Variants in SUGCT observed in about 807,000 individuals in gnomAD.
SUGCT encodes the protein succinyl-CoA:glutarate CoA-transferase.
SUGCT carries 41 observed loss-of-function variants against 55.0 expected under a neutral mutation model. The observed-to-expected ratio is 0.74, with a 90% CI of 0.58 to 0.97. SUGCT has a LOEUF of 0.97. SUGCT is among the 50% of genes least tolerant of loss of function. The pLI, the probability that SUGCT is intolerant of heterozygous loss-of-function variation, is 0.00. For synonymous variants in SUGCT, 187 were observed against 200.4 expected (o/e 0.93, Z 0.56); for missense variants, 568 against 547.8 (o/e 1.04, Z -0.37).
intron 12 of SUGCT, among the ~76,000 whole-genome samples, chr7:40,573,797 T>A (rs1271975735): frequency 6.6e-6 from 1 of 152,198 alleles, no homozygotes. Flanking sequence ...ATCCCCCAGG[T>A]AGCATCTGGT....
chr7:40,577,426 T>TA (rs1796830694), intron 12 of SUGCT, among the ~76,000 whole-genome samples: 1 of 152,074 alleles, frequency 6.6e-6, no homozygotes, highest in African/African-American at 2.4e-5. Context: ...TTTTTTTTTT[T>TA]ATGGCATGTT....
intron 12 of SUGCT, among the ~76,000 whole-genome samples, chr7:40,719,804 T>TGTTG (rs1786222988): frequency 6.6e-6 from 1 of 152,026 alleles, no homozygotes; most frequent in African/African-American, 2.4e-5. Flanking sequence ...CAATTCTGTT[T>TGTTG]TGTTTTGTTT....
intron 7 of SUGCT, among the ~76,000 whole-genome samples, chr7:40,238,822 C>CT (rs200564913): frequency 3.7e-4 from 51 of 138,348 alleles, no homozygotes; most frequent in Non-Finnish European, 3.7e-4. Context: ...GTGGCCTTTG[C>CT]TTTTTTTTTT....
chr7:40,959,762 G>T, the SUGCT span, among the ~76,000 whole-genome samples: 3 of 152,068 alleles, frequency 2.0e-5, no homozygotes, highest in Admixed American at 2.0e-4. Flanking sequence ...CTGCCCAAAA[G>T]GTCACCCAGC....
intron 6 of SUGCT, among the ~76,000 whole-genome samples, chr7:40,219,089 G>GAACC (rs1003877122): frequency 1.1e-4 from 16 of 152,256 alleles, no homozygotes; most frequent in Non-Finnish European, 2.1e-4. Flanking sequence ...GCGAGACCAT[G>GAACC]AACCCACCTG....
chr7:40,457,097 T>G (rs760712406), intron 10 of SUGCT, among the ~76,000 whole-genome samples: 4 of 152,116 alleles, frequency 2.6e-5, no homozygotes, highest in Non-Finnish European at 5.9e-5. Context: ...GTCTCTTCAT[T>G]TTTTTGCAGA....
intron 9 of SUGCT, among the ~76,000 whole-genome samples, chr7:40,429,486 A>G (rs1787779223): frequency 6.6e-6 from 1 of 152,196 alleles, no homozygotes; most frequent in Non-Finnish European, 1.5e-5. Flanking sequence ...CCTCAAAAGT[A>G]GGGAAGCTGA....
intron 13 of SUGCT, among the ~76,000 whole-genome samples, chr7:40,817,362 T>C (rs2128763293): frequency 6.6e-6 from 1 of 152,102 alleles, no homozygotes; most frequent in Admixed American, 6.5e-5. Flanking sequence ...CCCAAGTCAC[T>C]GGGGAGTCGG....
chr7:40,850,460 T>C (rs1793795453), intron 13 of SUGCT, among the ~76,000 whole-genome samples: 1 of 152,192 alleles, frequency 6.6e-6, no homozygotes, highest in South Asian at 2.1e-4. Context: ...TGTGTTTTCA[T>C]TGTTCCTTCC....
intron 7 of SUGCT, among the ~76,000 whole-genome samples, chr7:40,241,540 C>G (rs1239046284): frequency 1.3e-5 from 2 of 150,380 alleles, no homozygotes; most frequent in Non-Finnish European, 2.9e-5. Context: ...GATTGCACCA[C>G]TGCCCTCCAG....
the SUGCT span, among the ~76,000 whole-genome samples, chr7:40,982,674 AGAT>A: frequency 6.6e-6 from 1 of 151,570 alleles, no homozygotes. Context: ...TTTATTTTTT[AGAT>A]AGAATCTGTG....
chr7:40,156,813 G>A (rs1056288260), intron 1 of SUGCT, among the ~76,000 whole-genome samples: 2 of 152,092 alleles, frequency 1.3e-5, no homozygotes, highest in South Asian at 2.1e-4. Context: ...TCAGGAGTTC[G>A]AGACCAGCCT....
rs544580131 is a variant in SUGCT, at chr7:40,260,763, T to C, written c.577-13750T>C. Among the ~76,000 whole-genome samples, 3 of 152,262 alleles carry C rather than the reference T, an allele frequency of 2.0e-5. No individual in the cohort carries two copies. The East Asian group carries it at 5.8e-4, about 29-fold the overall frequency. ...GCCTTCTGGGTTCAAGGGATTCTCATGCCTCAGCCTCCCGAGTAGCTGGGA... is the reference window on the plus strand; with the variant it reads ...GCCTTCTGGGTTCAAGGGATTCTCACGCCTCAGCCTCCCGAGTAGCTGGGA... On this transcript the variant is annotated intron_variant, in intron 7 of 13. Transcript: ENST00000335693.
At chr7:40,180,365 G>A (rs1027583338) in intron 1 of SUGCT, among the ~76,000 whole-genome samples, 23 of 152,070 alleles carry the variant, frequency 1.5e-4, no homozygotes, top group Non-Finnish European at 2.1e-4. Flanking sequence ...TGATCCACCC[G>A]CCTCCGCCTC....
rs146937364 is a variant in SUGCT, at chr7:40,450,223, C to T, written c.888+865C>T. 7.4e-3 allele frequency among the ~76,000 whole-genome samples: 1,120 copies of T among 152,062 alleles called. 14 individuals are homozygous for T. Among genetic ancestry groups the T allele is most frequent in the African/African-American group, 0.025 (1,044 of 41,468 alleles). The stretch of plus-strand genomic sequence containing the variant: ...AATTACAGGCGTGAACCACTGCACC[C>T]GGCCTACTAGACTTTTTTTTTCTTT... On this transcript the variant is annotated intron_variant, in intron 10 of 13. Transcript: ENST00000335693.
intron 9 of SUGCT, among the ~76,000 whole-genome samples, chr7:40,438,281 C>T (rs555194620): frequency 3.3e-5 from 5 of 152,268 alleles, no homozygotes; most frequent in African/African-American, 1.2e-4. Flanking sequence ...CTGTGTGGAG[C>T]TGCTCTAAAT....
intron 9 of SUGCT, among the ~76,000 whole-genome samples, chr7:40,344,946 A>G (rs1336622124): frequency 1.3e-5 from 2 of 152,224 alleles, no homozygotes; most frequent in African/African-American, 4.8e-5. Flanking sequence ...GCATTCAGCC[A>G]AGGATTAGGC....
chr7:40,877,452 G>A, the SUGCT span, among the ~76,000 whole-genome samples: 2 of 152,288 alleles, frequency 1.3e-5, no homozygotes, highest in East Asian at 3.9e-4. Flanking sequence ...ATGTACTGCA[G>A]GGAATTAATA....
chr7:40,761,441 A>G (rs936941104), intron 13 of SUGCT, among the ~76,000 whole-genome samples: 1 of 152,244 alleles, frequency 6.6e-6, no homozygotes, highest in Non-Finnish European at 1.5e-5. Flanking sequence ...GATAGAGCAC[A>G]GCATTTCCTA....
Sources: allele counts gnomAD v4.1 joint callset (sites outside exome capture counted in the v4.1 genomes callset), GRCh38; gene constraint gnomAD v4.1.1; transcripts MANE v1.5; gene names NCBI Gene and HGNC (gene_info 2026-07-23, HGNC 2026-07-21).